COL22A1: variants seen among roughly 807,000 people sequenced by gnomAD.
COL22A1 encodes the protein collagen alpha-1(XXII) chain.
COL22A1 carries 221 observed loss-of-function variants against 248.9 expected under a neutral mutation model. The ratio of observed to expected loss-of-function variants is 0.89; its 90% CI spans 0.80 to 0.99. The LOEUF (loss-of-function observed/expected upper bound fraction) is 0.99. COL22A1 is among the 50% of genes least tolerant of loss of function. COL22A1 has a pLI of 0.00. For synonymous variants in COL22A1, 891 were observed against 793.4 expected, an observed-to-expected ratio of 1.12 and a Z score of -2.07; for missense variants, 2,240 against 2,179.0, an observed-to-expected ratio of 1.03 and a Z score of -0.56.
intron 3 of COL22A1, among the ~76,000 whole-genome samples, chr8:138,876,565 A>C (rs372270797): frequency 3.9e-5 from 6 of 152,366 alleles, no homozygotes; most frequent in South Asian, 4.1e-4. Flanking sequence ...AAAAGAGCCA[A>C]CACAGAGAAA....
intron 3 of COL22A1, among the ~76,000 whole-genome samples, chr8:138,874,151 C>T (rs1303599181): frequency 6.6e-6 from 1 of 152,212 alleles, no homozygotes; most frequent in East Asian, 1.9e-4. Context: ...GATTTCATTT[C>T]ATTTGTAGCC....
chr8:138,605,486 C>G (rs188300338), intron 58 of COL22A1, among the ~76,000 whole-genome samples: 3 of 152,050 alleles, frequency 2.0e-5, no homozygotes, highest in African/African-American at 4.8e-5. Context: ...AATAAGCCCA[C>G]GTAAAAATCA....
chr8:138,663,092 G>A (rs548219220), intron 42 of COL22A1, among the ~76,000 whole-genome samples: 10 of 151,342 alleles, frequency 6.6e-5, no homozygotes, highest in Non-Finnish European at 1.2e-4. Flanking sequence ...TTTAAAATAC[G>A]TTCACATGGC....
intron 31 of COL22A1, among the ~76,000 whole-genome samples, 177 bp from the exon 32 acceptor site, chr8:138,700,321 TTTA>T (rs767788734): frequency 6.6e-6 from 1 of 152,244 alleles, no homozygotes; most frequent in Admixed American, 6.5e-5. Flanking sequence ...TGGCTATTTA[TTTA>T]TTAAGGCAGA....
rs73362878 is a variant in COL22A1, at chr8:138,793,051, T to C, written c.1596+3768A>G. On this transcript the variant is annotated intron_variant, in intron 12 of 64. Transcript: ENST00000303045. ...TACCCTTAGCAGGATGCCTGGTACA[T>C]GCAGAAGCCAATGCACATTGCCGCA... Among the ~76,000 whole-genome samples, 935 of 152,320 alleles carry C rather than the reference T, an allele frequency of 6.1e-3. 7 individuals are homozygous for C. Among genetic ancestry groups the C allele is most frequent in the African/African-American group, 0.022 (914 of 41,560 alleles).
At chr8:138,819,050 C>G (rs1472758647) in intron 7 of COL22A1, among the ~76,000 whole-genome samples, 1 of 152,150 alleles carries the variant, frequency 6.6e-6, no homozygotes. Context: ...TCTCCTCTCC[C>G]CACTACCCCT....
intron 9 of COL22A1, among the ~76,000 whole-genome samples, chr8:138,811,351 A>G (rs1310558427): frequency 1.4e-5 from 1 of 71,202 alleles, no homozygotes; most frequent in Non-Finnish European, 3.7e-5. Context: ...ATACACATAT[A>G]TACACACATA....
At position 138,589,229 on chromosome 8, in the gene COL22A1, AGTC is replaced by A; in HGVS notation, c.*21_*23del. 1 of 1,609,050 alleles carries A rather than the reference AGTC, an allele frequency of 6.2e-7. No individual in the cohort carries two copies. Among genetic ancestry groups the A allele is most frequent in the Non-Finnish European group, 8.5e-7 (1 of 1,177,576 alleles). The stretch of plus-strand genomic sequence containing the variant: ...AGTTCAAGTTTCAGAAATCCACTGC[AGTC>A]TTCTGGCTTTCCAGAGTCCTTTAGG... On this transcript the variant is annotated 3_prime_UTR_variant, in exon 65 of 65. Transcript: ENST00000303045.
chr8:138,794,875 A>C (rs983593769), intron 12 of COL22A1, among the ~76,000 whole-genome samples: 1 of 152,200 alleles, frequency 6.6e-6, no homozygotes, highest in African/African-American at 2.4e-5. Flanking sequence ...CTAGAATTAA[A>C]GAGTAGAAAA....
At chr8:138,667,832 C>T (rs1824647024) in intron 41 of COL22A1, among the ~76,000 whole-genome samples, 1 of 151,996 alleles carries the variant, frequency 6.6e-6, no homozygotes, top group South Asian at 2.1e-4. Context: ...ACATCATGTG[C>T]CTCCTGCTGG....
At chr8:138,810,261 C>A (rs1818097425) in intron 9 of COL22A1, among the ~76,000 whole-genome samples, 1 of 152,218 alleles carries the variant, frequency 6.6e-6, no homozygotes, top group Non-Finnish European at 1.5e-5. Flanking sequence ...GGCATTGGGT[C>A]TGGCATCGCT....
At chr8:138,789,057 C>T (rs891802473) in intron 12 of COL22A1, among the ~76,000 whole-genome samples, 11 of 152,170 alleles carry the variant, frequency 7.2e-5, no homozygotes, top group Non-Finnish European at 1.3e-4. Flanking sequence ...TTCCCATAAG[C>T]GCTCTCACCC....
At chr8:138,736,145 C>G (rs748821819) in intron 23 of COL22A1, among the ~76,000 whole-genome samples, 1 of 151,994 alleles carries the variant, frequency 6.6e-6, no homozygotes, top group Non-Finnish European at 1.5e-5. Flanking sequence ...TTCTCCTCAA[C>G]CTTCAGGTGT....
intron 1 of COL22A1, among the ~76,000 whole-genome samples, chr8:138,905,362 A>G (rs960345143): frequency 1.3e-5 from 2 of 152,206 alleles, no homozygotes; most frequent in Admixed American, 6.5e-5. Flanking sequence ...CGGTAAGTGC[A>G]TCTCAGAATT....
intron 23 of COL22A1, among the ~76,000 whole-genome samples, chr8:138,734,865 A>G (rs928922167): frequency 1.3e-5 from 2 of 152,220 alleles, no homozygotes; most frequent in African/African-American, 4.8e-5. Flanking sequence ...TGTCCTTTGT[A>G]GGGACATGGA....
At chr8:138,674,411 C>T (rs559679829) in intron 41 of COL22A1, among the ~76,000 whole-genome samples, 6 of 152,308 alleles carry the variant, frequency 3.9e-5, no homozygotes, top group African/African-American at 1.4e-4. Flanking sequence ...TACAGATTCC[C>T]AGGCCATTAC....
At chr8:138,838,074 C>T (rs1028618414) in intron 4 of COL22A1, among the ~76,000 whole-genome samples, 3 of 152,094 alleles carry the variant, frequency 2.0e-5, no homozygotes, top group Admixed American at 6.5e-5. Flanking sequence ...GAAGCAGTGG[C>T]GTGGAGGGAA....
At chr8:138,641,505 C>T (rs1476005598) in intron 47 of COL22A1, among the ~76,000 whole-genome samples, 2 of 152,212 alleles carry the variant, frequency 1.3e-5, no homozygotes, top group African/African-American at 2.4e-5. Context: ...CATCTTGTTG[C>T]TTCTTCCTCC....
intron 35 of COL22A1, 127 bp downstream of exon 35, chr8:138,693,519 G>A: frequency 1.1e-6 from 1 of 922,050 alleles, no homozygotes. Flanking sequence ...CCACTCAAGT[G>A]TGGGTGAACC....
Sources: allele counts gnomAD v4.1 joint callset (sites outside exome capture counted in the v4.1 genomes callset), GRCh38; gene constraint gnomAD v4.1.1; transcripts MANE v1.5; gene names NCBI Gene and HGNC (gene_info 2026-07-23, HGNC 2026-07-21).